The following RREB1 variants were observed in gnomAD, a reference collection of about 807,000 sequenced individuals.
RREB1 encodes the protein ras responsive element binding protein 1.
In RREB1, 27 loss-of-function variants were observed where a neutral mutation model predicts 117.8. The observed-to-expected ratio is 0.23, with a 90% confidence interval of 0.17 to 0.32. The LOEUF is 0.32. Ranked by LOEUF, RREB1 falls within the 10% of genes least tolerant of loss-of-function variation. The pLI is 1.00. For missense variants in RREB1, 2,577 were observed against 2,378.2 expected, an observed-to-expected ratio of 1.08 and a Z score of -1.74; for synonymous variants, 1,298 against 1,026.7, an observed-to-expected ratio of 1.26 and a Z score of -5.05.
At chr6:7,131,045 TCTC>T (rs1387508421) in intron 1 of RREB1, among the ~76,000 whole-genome samples, 1 of 148,730 alleles carries the variant, frequency 6.7e-6, no homozygotes, top group Non-Finnish European at 1.5e-5. Flanking sequence ...TTCACACCAT[TCTC>T]CTGCCTCAGC....
chr6:7,224,958 G>A (rs1423537372), intron 8 of RREB1, among the ~76,000 whole-genome samples: 1 of 152,118 alleles, frequency 6.6e-6, no homozygotes, highest in Non-Finnish European at 1.5e-5. Context: ...CAGGGGAGGA[G>A]CATGCACAGC....
At chr6:7,178,122 A>G (rs1764600524) in intron 2 of RREB1, among the ~76,000 whole-genome samples, 1 of 152,070 alleles carries the variant, frequency 6.6e-6, no homozygotes, top group East Asian at 1.9e-4. Context: ...AGGCTTCCAA[A>G]GTGCTGGGAT....
intron 1 of RREB1, among the ~76,000 whole-genome samples, chr6:7,116,570 A>G (rs1390615302): frequency 6.6e-6 from 1 of 152,236 alleles, no homozygotes; most frequent in African/African-American, 2.4e-5. Context: ...TACAAAAATG[A>G]GAGTTTCTGA....
chr6:7,240,681 C>A, intron 11 of RREB1, 79 bp downstream of exon 11: 3 of 1,358,704 alleles, frequency 2.2e-6, no homozygotes, highest in South Asian at 1.3e-5. Context: ...AACTCCAGTC[C>A]GAGCTGTGGA....
At chr6:7,191,686 G>A (rs369725582) in intron 6 of RREB1, among the ~76,000 whole-genome samples, 34 of 152,068 alleles carry the variant, frequency 2.2e-4, no homozygotes, top group African/African-American at 7.2e-4. Flanking sequence ...GTTTTATATC[G>A]GTTAAATTTA....
At position 7,192,393 on chromosome 6, in the gene RREB1, A is replaced by G. The variant is rs183644151; in HGVS notation, c.425+3071A>G. ...TTGTTAGTAGAGATGGGGTTTTGCT[A>G]TGTTGGCCAGGCTGGTCTTGAACTG... On this transcript the variant is annotated intron_variant, in intron 6 of 12. Coordinates refer to ENST00000379938, the MANE Select transcript of RREB1 (RefSeq NM_001003699.4). Among the ~76,000 whole-genome samples, 384 of 151,844 alleles carry G rather than the reference A, an allele frequency of 2.5e-3. 1 individual carries two copies. The highest frequency in any genetic ancestry group is 8.7e-3 in the African/African-American group (358 of 41,368).
intron 1 of RREB1, among the ~76,000 whole-genome samples, chr6:7,130,712 G>A (rs1018904598): frequency 7.3e-5 from 11 of 151,436 alleles, no homozygotes; most frequent in Non-Finnish European, 1.3e-4. Context: ...TGCCTCCTGG[G>A]TTCAAGCAAT....
chr6:7,166,495 T>C (rs1217997614), intron 1 of RREB1, among the ~76,000 whole-genome samples: 1 of 152,192 alleles, frequency 6.6e-6, no homozygotes, highest in South Asian at 2.1e-4. Flanking sequence ...GGGCAGCCCA[T>C]GCAGCTCCTG....
At chr6:7,217,137 A>T (rs555412232) in intron 8 of RREB1, 8 of 152,436 alleles carry the variant, frequency 5.2e-5, no homozygotes, top group African/African-American at 1.9e-4. Flanking sequence ...CAGCTGTCGG[A>T]TGTCAGTTCT....
chr6:7,246,688 A>C lies in RREB1; in HGVS notation c.4238A>C (p.Asn1413Thr). The C allele has an allele frequency of 6.3e-7, 1 of 1,584,146 alleles. No homozygotes were observed. Among genetic ancestry groups the C allele is most frequent in the East Asian group, 2.3e-5 (1 of 43,010 alleles). Residue 1413 changes from asparagine to threonine, a missense_variant, in exon 12 of 13, where the codon AAC (asparagine) becomes ACC (threonine). Coordinates refer to ENST00000379938, the MANE Select transcript of RREB1 (RefSeq NM_001003699.4). ...ADGAEEDASS[N>T]QSLDLDFATK... ...GGCGCGGAAGAGGACGCGTCGAGCA[A>C]CCAGAGCCTGGACCTGGACTTCGCC...
intron 1 of RREB1, among the ~76,000 whole-genome samples, chr6:7,172,383 TG>T (rs1764257350): frequency 6.6e-6 from 1 of 151,910 alleles, no homozygotes; most frequent in Non-Finnish European, 1.5e-5. Flanking sequence ...GAATGTGGCC[TG>T]TACCAAGGGA....
chr6:7,222,742 G>C (rs568473172), intron 8 of RREB1, among the ~76,000 whole-genome samples: 3 of 152,102 alleles, frequency 2.0e-5, no homozygotes, highest in Non-Finnish European at 2.9e-5. Context: ...CGGGAGGATT[G>C]CTTGAGCCCA....
intron 1 of RREB1, among the ~76,000 whole-genome samples, chr6:7,124,421 C>T (rs1029747855): frequency 1.3e-5 from 2 of 152,176 alleles, no homozygotes; most frequent in African/African-American, 2.4e-5. Context: ...ATTTGGCCAG[C>T]TTGTCTCATG....
chr6:7,207,500 T>C (rs755361979), intron 6 of RREB1, among the ~76,000 whole-genome samples: 2 of 152,116 alleles, frequency 1.3e-5, no homozygotes, highest in Non-Finnish European at 2.9e-5. Context: ...ATCGTGGGGA[T>C]TGTGATTGAC....
Position 7,248,684 on chromosome 6 carries a change from A to G in RREB1, c.4945A>G (p.Asn1649Asp). The change falls in exon 13 of 13, where the codon AAC becomes GAC. Residue 1649 changes from asparagine to aspartate, a missense_variant. Physicochemically the swap from Asn to Asp is conservative, Grantham distance 23. Transcript: ENST00000379938. ...DSENESTHSG[N>D]NAVSENEAEL... is the part of the protein sequence containing the mutation. The stretch of plus-strand genomic sequence containing the variant: ...CGAGAATGAGTCCACCCACAGCGGC[A>G]ACAACGCCGTCTCAGAGAACGAGGC... The G allele has an allele frequency of 6.2e-7, 1 of 1,614,166 alleles. No individual in the cohort carries two copies. The highest frequency in any genetic ancestry group is 8.5e-7 in the Non-Finnish European group (1 of 1,180,012).
At chr6:7,233,363 C>T (rs1768117465) in intron 10 of RREB1, among the ~76,000 whole-genome samples, 1 of 152,190 alleles carries the variant, frequency 6.6e-6, no homozygotes, top group Non-Finnish European at 1.5e-5. Context: ...AGTGAACAGT[C>T]TCAGTATTCA....
intron 6 of RREB1, among the ~76,000 whole-genome samples, chr6:7,191,692 A>G: frequency 6.6e-6 from 1 of 152,166 alleles, no homozygotes; most frequent in East Asian, 1.9e-4. Context: ...TATCGGTTAA[A>G]TTTATTTCTA....
In RREB1 at chr6:7,210,785, G is replaced by A. The variant is rs1766537256; in HGVS notation, c.426-19G>A. 2 of 1,602,014 alleles carry A rather than the reference G, an allele frequency of 1.2e-6. No individual in the cohort carries two copies. The highest frequency in any genetic ancestry group is 1.1e-5 in the South Asian group (1 of 89,878). ...ACTTCTTTGTTAGATCACATTGTGT[G>A]TGTGTTTGTTCTTTTCAGACATATG... On this transcript the variant is annotated intron_variant, in intron 6 of 12. Transcript: ENST00000379938.
At chr6:7,165,613 T>C (rs554708266) in intron 1 of RREB1, among the ~76,000 whole-genome samples, 6 of 152,286 alleles carry the variant, frequency 3.9e-5, no homozygotes, top group East Asian at 3.9e-4. Flanking sequence ...TACAAATCTG[T>C]GTGCTACAGA....
Sources: gnomAD v4.1 joint callset for allele counts (sites outside exome capture counted in the v4.1 genomes callset) on GRCh38, gnomAD v4.1.1 for gene constraint, MANE v1.5 for transcripts, NCBI Gene and HGNC (gene_info 2026-07-23, HGNC 2026-07-21) for gene names.